Variants in TBC1D30 observed in about 807,000 individuals in gnomAD.
The protein encoded by TBC1D30 is TBC1 domain family member 30.
Under a neutral mutation model 63.2 loss-of-function variants are expected in TBC1D30, and 31 were observed. That is an observed-to-expected ratio of 0.49 (90% CI 0.37 to 0.66). The LOEUF (loss-of-function observed/expected upper bound fraction) is 0.66. Among genes scored for constraint, TBC1D30 ranks in the 30% least tolerant of loss-of-function variants. The pLI, the probability that TBC1D30 is intolerant of heterozygous loss-of-function variation, is 0.00. For synonymous variants in TBC1D30, 307 were observed against 361.5 expected, an observed-to-expected ratio of 0.85 and a Z score of 1.71; for missense variants, 810 against 953.6, an observed-to-expected ratio of 0.85 and a Z score of 1.98.
chr12:64,875,575 AAAC>A lies in TBC1D30; in HGVS notation c.2076_2078del (p.Asn692del). 1.3e-6 allele frequency: 2 copies of A among 1,536,158 alleles called. No individual in the cohort carries two copies. The highest frequency in any genetic ancestry group is 4.9e-5 in the East Asian group (2 of 40,912). On this transcript the variant is annotated inframe_deletion, in exon 12 of 12. Transcript: ENST00000539867. The stretch of plus-strand genomic sequence containing the variant: ...CAGAGCCGCCGAGTGCACCCGAAGA[AAAC>A]AAAGCCACCAGCAAAGCTCCCCAAG...
At position 64,866,769 on chromosome 12, in the gene TBC1D30, A is replaced by G. The variant is rs758024879; in HGVS notation, c.1157A>G (p.His386Arg). 3 of 1,535,364 alleles carry G rather than the reference A, an allele frequency of 2.0e-6. No individual in the cohort carries two copies. Among genetic ancestry groups the G allele is most frequent in the South Asian group, 2.4e-5 (2 of 83,516 alleles). ...TVKPTSVSGR[H>R]SKARDSDEEN... Reference sequence around the variant, plus strand: ...TGTCTTTTATGTTTTCCAAGACGACATAGTAAGGCCAGAGACAGTGATGAA... The same window carrying G: ...TGTCTTTTATGTTTTCCAAGACGACGTAGTAAGGCCAGAGACAGTGATGAA... Residue 386 changes from histidine (H) to arginine (R), a missense_variant, in exon 10 of 12, where the codon CAT becomes CGT. By Grantham distance (29) the His-to-Arg change is conservative. Coordinates refer to ENST00000539867, the MANE Select transcript of TBC1D30 (RefSeq NM_015279.2).
chr12:64,807,210 T>A (rs1872922923), intron 2 of TBC1D30, among the ~76,000 whole-genome samples: 2 of 152,092 alleles, frequency 1.3e-5, no homozygotes, highest in South Asian at 4.1e-4. Context: ...TTTACAAGGG[T>A]TTTTCCCCTT....
At chr12:64,785,929 G>A in exon 2 of TBC1D30, 1 of 1,289,794 alleles carries the variant, frequency 7.8e-7, no homozygotes, top group Non-Finnish European at 1.0e-6. Context: ...TACAGAATTG[G>A]CATCCAGTCG....
At chr12:64,825,157 C>G (rs1194662236) in intron 1 of TBC1D30, 124 bp downstream of exon 1, 13 of 1,339,994 alleles carry the variant, frequency 9.7e-6, no homozygotes, top group Non-Finnish European at 1.3e-5. Context: ...CCACCTGGTG[C>G]GGGGCACCGC....
chr12:64,797,359 G>A (rs1475488209), intron 2 of TBC1D30, among the ~76,000 whole-genome samples: 2 of 152,138 alleles, frequency 1.3e-5, no homozygotes, highest in Non-Finnish European at 2.9e-5. Context: ...CCAGTGCTTG[G>A]TTTCTTACTA....
chr12:64,872,232 T>C (rs11175579), intron 11 of TBC1D30, among the ~76,000 whole-genome samples: 6,505 of 152,262 alleles, frequency 0.043, 453 homozygotes, highest in African/African-American at 0.15. Flanking sequence ...TTCACCATGT[T>C]GGCCAGGCTG....
intron 1 of TBC1D30, among the ~76,000 whole-genome samples, chr12:64,782,660 G>A (rs961408417): frequency 6.6e-6 from 1 of 152,154 alleles, no homozygotes; most frequent in Non-Finnish European, 1.5e-5. Flanking sequence ...TTTTTGAAGA[G>A]GAAAATTGGC....
chr12:64,788,131 G>T (rs1290164667), intron 2 of TBC1D30, among the ~76,000 whole-genome samples: 4 of 151,900 alleles, frequency 2.6e-5, no homozygotes, highest in East Asian at 1.9e-4. Flanking sequence ...CTTTGAATAG[G>T]CTTTTCTCCA....
chr12:64,840,619 C>G (rs1010203946), intron 7 of TBC1D30, among the ~76,000 whole-genome samples: 2 of 152,180 alleles, frequency 1.3e-5, no homozygotes, highest in Non-Finnish European at 2.9e-5. Flanking sequence ...GCACTGTTGT[C>G]ATCTCCATTT....
intron 2 of TBC1D30, among the ~76,000 whole-genome samples, chr12:64,791,888 A>G: frequency 6.6e-6 from 1 of 152,034 alleles, no homozygotes; most frequent in Admixed American, 6.6e-5. Context: ...CTTGGCCTGT[A>G]GGAAGGTTTT....
chr12:64,859,597 T>A (rs1736719881), intron 8 of TBC1D30, among the ~76,000 whole-genome samples: 1 of 151,986 alleles, frequency 6.6e-6, no homozygotes, highest in African/African-American at 2.4e-5. Flanking sequence ...GACTTGGCCA[T>A]GGAAAAGGGA....
intron 2 of TBC1D30, chr12:64,787,300 T>G (rs1871651603): frequency 1.1e-6 from 1 of 871,884 alleles, no homozygotes; most frequent in African/African-American, 1.8e-5. Context: ...TGCAATAGCC[T>G]TATGTTTTAT....
At chr12:64,853,481 C>T (rs181867653) in intron 8 of TBC1D30, among the ~76,000 whole-genome samples, 252 of 152,280 alleles carry the variant, frequency 1.7e-3, no homozygotes, top group African/African-American at 5.7e-3. Flanking sequence ...CTTCAGCCCC[C>T]TTTCCAGAGG....
chr12:64,868,958 C>A (rs2136470599), intron 10 of TBC1D30, among the ~76,000 whole-genome samples: 1 of 152,144 alleles, frequency 6.6e-6, no homozygotes, highest in East Asian at 1.9e-4. Context: ...TGCTCTGAAT[C>A]ACATGCATGT....
At chr12:64,840,027 A>AAAAAAAAAAAC (rs1555171793) in intron 7 of TBC1D30, among the ~76,000 whole-genome samples, 2 of 145,808 alleles carry the variant, frequency 1.4e-5, no homozygotes, top group African/African-American at 5.2e-5. Flanking sequence ...AAAAAAAAAA[A>AAAAAAAAAAAC]ATCCACCAAC....
At chr12:64,823,805 A>T (rs1351446530), upstream of TBC1D30, among the ~76,000 whole-genome samples, 1 of 152,096 alleles carries the variant, frequency 6.6e-6, no homozygotes, top group African/African-American at 2.4e-5. Flanking sequence ...TAAAAATTTA[A>T]TTTGTTAATA....
Position 64,856,881 on chromosome 12 carries a change from A to C in TBC1D30, c.1039-7787A>C, listed in dbSNP as rs192222413. ...TCTACCTGTGGCCACCACCACCACT[A>C]GTCCATAGGGGGTTCTGCTGGGCCA... On this transcript the variant is annotated intron_variant, in intron 8 of 11. Coordinates refer to ENST00000539867, the MANE Select transcript of TBC1D30 (RefSeq NM_015279.2). Among the ~76,000 whole-genome samples the C allele has an allele frequency of 7.3e-3, 1,118 of 152,216 alleles. 8 individuals are homozygous for C. The highest frequency in any genetic ancestry group is 0.013 in the Non-Finnish European group (877 of 67,998).
At chr12:64,830,856 G>C (rs1166070310) in intron 4 of TBC1D30, among the ~76,000 whole-genome samples, 1 of 152,176 alleles carries the variant, frequency 6.6e-6, no homozygotes, top group African/African-American at 2.4e-5. Flanking sequence ...TTTCATATGA[G>C]AATGATTTGG....
chr12:64,800,352 C>T (rs987402399), intron 2 of TBC1D30, among the ~76,000 whole-genome samples: 9 of 152,200 alleles, frequency 5.9e-5, no homozygotes, highest in East Asian at 5.8e-4. Flanking sequence ...AAGAGTGATG[C>T]GACTGGGTTT....
Sources: allele counts gnomAD v4.1 joint callset (sites outside exome capture counted in the v4.1 genomes callset), GRCh38; gene constraint gnomAD v4.1.1; transcripts MANE v1.5; gene names NCBI Gene and HGNC (gene_info 2026-07-23, HGNC 2026-07-21).